CACNA2D3: variants seen among roughly 807,000 people sequenced by gnomAD.
CACNA2D3 encodes voltage-dependent calcium channel subunit alpha-2/delta-3.
In CACNA2D3, 60 loss-of-function variants were observed where a neutral mutation model predicts 160.6. The observed-to-expected ratio is 0.37, with a 90% CI of 0.30 to 0.46. CACNA2D3 has a LOEUF of 0.46. Among genes scored for constraint, CACNA2D3 ranks in the 20% least tolerant of loss-of-function variants. The pLI is 1.00. For missense variants in CACNA2D3, 1,205 were observed against 1,365.0 expected (o/e 0.88, Z 1.85); for synonymous variants, 558 against 492.9 (o/e 1.13, Z -1.75).
intron 2 of CACNA2D3, among the ~76,000 whole-genome samples, chr3:54,179,933 A>G (rs569189328): frequency 2.6e-5 from 4 of 151,826 alleles, no homozygotes; most frequent in African/African-American, 4.8e-5. Context: ...ACATCTTCCA[A>G]AATTCTTCAG....
Position 54,747,708 on chromosome 3 carries a change from C to A in CACNA2D3, c.1168-4891C>A, listed in dbSNP as rs1481565115. 1.3e-5 allele frequency among the ~76,000 whole-genome samples: 2 copies of A among 152,264 alleles called. 1 individual carries two copies. Among genetic ancestry groups the A allele is most frequent in the African/African-American group, 4.8e-5 (2 of 41,552 alleles). Reference sequence around the variant, plus strand: ...ACGAGCCCCTTCAATATCCCTGGAGCTTCCCTGTCGCAGGGACCTTGTACC... The same window carrying A: ...ACGAGCCCCTTCAATATCCCTGGAGATTCCCTGTCGCAGGGACCTTGTACC... On this transcript the variant is annotated intron_variant, in intron 11 of 37. Coordinates refer to ENST00000474759, the MANE Select transcript of CACNA2D3 (RefSeq NM_018398.3).
intron 4 of CACNA2D3, among the ~76,000 whole-genome samples, chr3:54,408,585 T>C (rs1181033326): frequency 6.6e-6 from 1 of 152,204 alleles, no homozygotes; most frequent in Non-Finnish European, 1.5e-5. Flanking sequence ...TTTTCTATTG[T>C]TCTGTCTCCT....
chr3:54,477,761 A>G (rs1700855561), intron 4 of CACNA2D3, among the ~76,000 whole-genome samples: 3 of 152,140 alleles, frequency 2.0e-5, no homozygotes, highest in Admixed American at 6.5e-5. Flanking sequence ...TTTCTCCTAG[A>G]GAAATTTTTG....
At chr3:54,803,523 C>T (rs151098984) in intron 13 of CACNA2D3, among the ~76,000 whole-genome samples, 4,036 of 152,058 alleles carry the variant, frequency 0.027, 185 homozygotes, top group African/African-American at 0.089. Context: ...TAAAAAGAAA[C>T]GAACAAAGCC....
chr3:54,641,149 T>C lies in CACNA2D3; in HGVS notation c.1054-979T>C, dbSNP rs142467713. Among the ~76,000 whole-genome samples the C allele has an allele frequency of 1.4e-3, 212 of 152,278 alleles. 2 individuals are homozygous for C. Among genetic ancestry groups the C allele is most frequent in the African/African-American group, 4.8e-3 (200 of 41,554 alleles). On this transcript the variant is annotated intron_variant, in intron 10 of 37. Coordinates refer to ENST00000474759, the MANE Select transcript of CACNA2D3 (RefSeq NM_018398.3). ...GCAGCCTCAAGGGGTCCTGAGAGCA[T>C]ATGCCTAAGTTGTGGTCATGTTACA...
chr3:54,509,149 T>C (rs1701417624), intron 5 of CACNA2D3, among the ~76,000 whole-genome samples: 1 of 152,270 alleles, frequency 6.6e-6, no homozygotes, highest in South Asian at 2.1e-4. Flanking sequence ...TCCATATGTT[T>C]CTGATTCGTT....
At chr3:54,789,843 G>T in intron 13 of CACNA2D3, 1 of 517,324 alleles carries the variant, frequency 1.9e-6, no homozygotes, top group Non-Finnish European at 3.9e-6. Flanking sequence ...ATGAGCTGGG[G>T]CTTGAGGGAT....
At chr3:55,031,617 G>A (rs1007176708) in intron 35 of CACNA2D3, among the ~76,000 whole-genome samples, 1 of 152,042 alleles carries the variant, frequency 6.6e-6, no homozygotes, top group African/African-American at 2.4e-5. Flanking sequence ...CCACCTTTTG[G>A]AGCATCTCTC....
chr3:54,255,760 C>T (rs1702280537), intron 2 of CACNA2D3, among the ~76,000 whole-genome samples: 1 of 152,160 alleles, frequency 6.6e-6, no homozygotes, highest in Non-Finnish European at 1.5e-5. Context: ...GTTGTTTACT[C>T]TACCTAAGAG....
chr3:54,648,880 T>G (rs1174428918), intron 11 of CACNA2D3, among the ~76,000 whole-genome samples: 1 of 152,080 alleles, frequency 6.6e-6, no homozygotes, highest in Non-Finnish European at 1.5e-5. Flanking sequence ...GGCTCTCACA[T>G]GAACTATTAG....
chr3:54,760,348 G>A (rs749977887), intron 12 of CACNA2D3, among the ~76,000 whole-genome samples: 3 of 152,110 alleles, frequency 2.0e-5, no homozygotes, highest in Non-Finnish European at 4.4e-5. Flanking sequence ...GGAGGGGAAC[G>A]CAGTTGGCAT....
chr3:55,004,004 A>G (rs1279175818), intron 31 of CACNA2D3, among the ~76,000 whole-genome samples: 1 of 152,216 alleles, frequency 6.6e-6, no homozygotes, highest in Non-Finnish European at 1.5e-5. Context: ...GTCCGAACAC[A>G]TGCTACCAGA....
At chr3:54,739,469 C>CACAA (rs1248560190) in intron 11 of CACNA2D3, among the ~76,000 whole-genome samples, 1 of 143,392 alleles carries the variant, frequency 7.0e-6, no homozygotes, top group Non-Finnish European at 1.5e-5. Flanking sequence ...CACACACACA[C>CACAA]ACAAACAAAA....
chr3:54,141,600 G>GA (rs1358449316), intron 2 of CACNA2D3, among the ~76,000 whole-genome samples: 1 of 152,192 alleles, frequency 6.6e-6, no homozygotes, highest in Non-Finnish European at 1.5e-5. Flanking sequence ...CTCAGCCCTT[G>GA]AATAGTGCAG....
chr3:54,237,605 C>T (rs1197748403), intron 2 of CACNA2D3, among the ~76,000 whole-genome samples: 1 of 152,116 alleles, frequency 6.6e-6, no homozygotes, highest in African/African-American at 2.4e-5. Flanking sequence ...AATGTTAGCT[C>T]ACCCACCAAG....
intron 5 of CACNA2D3, among the ~76,000 whole-genome samples, chr3:54,536,347 G>T (rs1701888875): frequency 6.6e-6 from 1 of 152,220 alleles, no homozygotes; most frequent in South Asian, 2.1e-4. Flanking sequence ...ATTTTATGCT[G>T]TGAACATTTT....
chr3:54,823,795 T>C lies in CACNA2D3; in HGVS notation c.1398+6925T>C, dbSNP rs147800483. 1.9e-3 allele frequency among the ~76,000 whole-genome samples: 294 copies of C among 152,348 alleles called. 3 individuals are homozygous for C. The highest frequency in any genetic ancestry group is 3.2e-3 in the Non-Finnish European group (217 of 68,022). On this transcript the variant is annotated intron_variant, in intron 14 of 37. Transcript: ENST00000474759. ...CAAAACTGTATTGGAAAGAAATGCA[T>C]AGACATATTTAATAGTGGCTATTTC...
chr3:54,531,532 C>T (rs1701805496), intron 5 of CACNA2D3, among the ~76,000 whole-genome samples: 1 of 152,212 alleles, frequency 6.6e-6, no homozygotes, highest in Non-Finnish European at 1.5e-5. Context: ...CATTTATCAG[C>T]TTGCAGTGAA....
At chr3:55,021,627 A>ATG (rs1703450802) in intron 35 of CACNA2D3, among the ~76,000 whole-genome samples, 1 of 111,848 alleles carries the variant, frequency 8.9e-6, no homozygotes, top group Admixed American at 9.1e-5. Flanking sequence ...GTGTGTGTGT[A>ATG]TATATATATA....
Sources: gnomAD v4.1 joint callset for allele counts (sites outside exome capture counted in the v4.1 genomes callset) on GRCh38, gnomAD v4.1.1 for gene constraint, MANE v1.5 for transcripts, NCBI Gene and HGNC (gene_info 2026-07-23, HGNC 2026-07-21) for gene names.